HORMAD2: variants seen among roughly 807,000 people sequenced by gnomAD.
The protein encoded by HORMAD2 is HORMA domain-containing protein 2.
A neutral mutation model predicts 38.8 loss-of-function variants in HORMAD2; 45 were observed. The observed-to-expected ratio is 1.16, with a 90% CI of 0.91 to 1.49. HORMAD2 has a LOEUF of 1.49. HORMAD2 is among the 40% of genes most tolerant of loss of function. The probability of loss-of-function intolerance (pLI) is 0.00; values close to 1 mark genes in which losing one functional copy is unlikely to be tolerated. For missense variants in HORMAD2, 338 were observed against 367.0 expected, an observed-to-expected ratio of 0.92 and a Z score of 0.65; for synonymous variants, 126 against 122.8, an observed-to-expected ratio of 1.03 and a Z score of -0.17.
intron 1 of HORMAD2, among the ~76,000 whole-genome samples, chr22:30,092,983 T>C (rs1409764762): frequency 6.6e-6 from 1 of 152,220 alleles, no homozygotes; most frequent in African/African-American, 2.4e-5. Context: ...TCTTTTGTGG[T>C]TCCATAGGAA....
At position 30,098,939 on chromosome 22, in the gene HORMAD2, A is replaced by G. The variant is rs1920926652; in HGVS notation, c.139A>G (p.Thr47Ala). The G allele has an allele frequency of 6.2e-7, 1 of 1,613,486 alleles. No homozygotes were observed. Reference sequence around the variant, plus strand: ...TTTTGCTACTTCCATCTCATGTATAACATACCTAAGGGGCCTGTTTCCAGA... The same window carrying G: ...TTTTGCTACTTCCATCTCATGTATAGCATACCTAAGGGGCCTGTTTCCAGA... ...KLFATSISCI[T>A]YLRGLFPESS... Residue 47 changes from threonine to alanine, a missense_variant, in exon 3 of 11, where the codon ACA (threonine) becomes GCA (alanine). Coordinates refer to ENST00000336726, the MANE Select transcript of HORMAD2 (RefSeq NM_152510.4).
intron 10 of HORMAD2, among the ~76,000 whole-genome samples, chr22:30,147,985 C>A (rs1320266111): frequency 6.6e-6 from 1 of 152,172 alleles, no homozygotes; most frequent in African/African-American, 2.4e-5. Context: ...ATTTTCACTC[C>A]TAGGTATTTA....
At chr22:30,120,265 C>T (rs987331518) in intron 8 of HORMAD2, among the ~76,000 whole-genome samples, 1 of 152,166 alleles carries the variant, frequency 6.6e-6, no homozygotes, top group Admixed American at 6.5e-5. Context: ...CCTGGAGGCT[C>T]CCATGAGCTA....
intron 7 of HORMAD2, among the ~76,000 whole-genome samples, chr22:30,115,554 T>C (rs1423721264): frequency 6.6e-6 from 1 of 152,190 alleles, no homozygotes; most frequent in African/African-American, 2.4e-5. Context: ...CTTGGCCAAA[T>C]ATTTATTCAT....
At chr22:30,092,512 T>A (rs2068709769) in intron 1 of HORMAD2, among the ~76,000 whole-genome samples, 1 of 152,170 alleles carries the variant, frequency 6.6e-6, no homozygotes. Flanking sequence ...TAGTTTGATA[T>A]AATATCATTT....
Position 30,176,336 on chromosome 22 carries a change from G to T in HORMAD2, c.*169G>T. The T allele has an allele frequency of 1.8e-6, 1 of 565,118 alleles. No homozygotes were observed. Among genetic ancestry groups the T allele is most frequent in the Non-Finnish European group, 3.1e-6 (1 of 318,972 alleles). The allele number at this position is 565,118 out of a possible 1,614,324, so 35.0% of individuals were successfully genotyped here. Reference sequence around the variant, plus strand: ...TGCTAAATTACTGGCCAGGTAGGACGCGAGTCCACTTTGCCATAAGGAAAG... The same window carrying T: ...TGCTAAATTACTGGCCAGGTAGGACTCGAGTCCACTTTGCCATAAGGAAAG... On this transcript the variant is annotated 3_prime_UTR_variant, in exon 11 of 11. Transcript: ENST00000336726.
At chr22:30,132,607 A>T (rs1433969767) in intron 10 of HORMAD2, among the ~76,000 whole-genome samples, 3 of 151,936 alleles carry the variant, frequency 2.0e-5, no homozygotes, top group African/African-American at 7.2e-5. Flanking sequence ...ATGAGACTCT[A>T]GTCCTTTTCA....
intron 5 of HORMAD2, chr22:30,104,710 G>T: frequency 3.5e-6 from 1 of 288,006 alleles, no homozygotes. Flanking sequence ...CAGGATGTGG[G>T]ACAGGAGAGA....
At chr22:30,173,866 T>C (rs1023816466) in intron 10 of HORMAD2, among the ~76,000 whole-genome samples, 2 of 152,146 alleles carry the variant, frequency 1.3e-5, no homozygotes, top group Non-Finnish European at 2.9e-5. Flanking sequence ...GAATAAGTGA[T>C]TAAAAAGAGT....
At chr22:30,200,041 C>T in the HORMAD2 span, among the ~76,000 whole-genome samples, 3 of 152,078 alleles carry the variant, frequency 2.0e-5, no homozygotes, top group Non-Finnish European at 4.4e-5. Flanking sequence ...CTCAGCCTCC[C>T]GAGTAGCTGG....
At chr22:30,081,529 C>A (rs940124089) in intron 1 of HORMAD2, among the ~76,000 whole-genome samples, 1 of 151,762 alleles carries the variant, frequency 6.6e-6, no homozygotes, top group Non-Finnish European at 1.5e-5. Context: ...AGTAATTGGG[C>A]GAACTTTGGC....
rs190977499 is a variant in HORMAD2, at chr22:30,089,540, A to T, written c.-37-4376A>T. 7.6e-4 allele frequency among the ~76,000 whole-genome samples: 116 copies of T among 152,026 alleles called. 1 individual carries two copies. In the East Asian group the frequency reaches 0.02, roughly 27 times the overall value. ...TCTAATTTTTGTATTTTTAGTAGAGATGGGATTTCACCATGTTGGCCAGGA... is the reference window on the plus strand; with the variant it reads ...TCTAATTTTTGTATTTTTAGTAGAGTTGGGATTTCACCATGTTGGCCAGGA... On this transcript the variant is annotated intron_variant, in intron 1 of 10. Transcript: ENST00000336726.
intron 10 of HORMAD2, among the ~76,000 whole-genome samples, chr22:30,145,446 T>C (rs184369038): frequency 6.6e-6 from 1 of 152,330 alleles, no homozygotes; most frequent in East Asian, 1.9e-4. Context: ...ATTATAAATA[T>C]GCTCAAATAT....
intron 10 of HORMAD2, among the ~76,000 whole-genome samples, chr22:30,149,316 C>A (rs930850485): frequency 3.3e-5 from 5 of 152,262 alleles, no homozygotes; most frequent in Admixed American, 2.0e-4. Flanking sequence ...AGCCACTAAC[C>A]ACATGGCTAC....
At chr22:30,150,880 A>G (rs1025114154) in intron 10 of HORMAD2, among the ~76,000 whole-genome samples, 11 of 152,154 alleles carry the variant, frequency 7.2e-5, no homozygotes, top group African/African-American at 2.2e-4. Context: ...AAGACTTTCT[A>G]TTACCCTCTA....
At chr22:30,142,211 A>G (rs770298133) in intron 10 of HORMAD2, among the ~76,000 whole-genome samples, 1 of 152,166 alleles carries the variant, frequency 6.6e-6, no homozygotes, top group African/African-American at 2.4e-5. Flanking sequence ...CCTGGGAGGT[A>G]AAGGTTGTAG....
chr22:30,133,956 A>G (rs1464570027), intron 10 of HORMAD2, among the ~76,000 whole-genome samples: 1 of 152,108 alleles, frequency 6.6e-6, no homozygotes, highest in Non-Finnish European at 1.5e-5. Context: ...TTTATGAGCC[A>G]CTACCTAGGT....
chr22:30,156,395 A>G (rs1043591777), intron 10 of HORMAD2, among the ~76,000 whole-genome samples: 4 of 152,224 alleles, frequency 2.6e-5, no homozygotes, highest in African/African-American at 9.6e-5. Flanking sequence ...ACCAAGAGCC[A>G]AATCATTTTT....
the HORMAD2 span, among the ~76,000 whole-genome samples, chr22:30,182,279 G>A: frequency 2.6e-3 from 401 of 152,290 alleles, no homozygotes; most frequent in African/African-American, 9.0e-3. Context: ...TACAGGAAAA[G>A]CACTTAGAAG....
Sources: gnomAD v4.1 joint callset for allele counts (sites outside exome capture counted in the v4.1 genomes callset) on GRCh38, gnomAD v4.1.1 for gene constraint, MANE v1.5 for transcripts, NCBI Gene and HGNC (gene_info 2026-07-23, HGNC 2026-07-21) for gene names.